Variants in POC1A observed in about 807,000 individuals in gnomAD.
The protein encoded by POC1A is POC1 centriolar protein homolog A.
A neutral mutation model predicts 47.8 loss-of-function variants in POC1A; 34 were observed. The observed-to-expected ratio is 0.71, with a 90% CI of 0.54 to 0.95. The LOEUF is 0.95. POC1A is among the 40% of genes least tolerant of loss of function. POC1A has a pLI of 0.00. For missense variants in POC1A, 466 were observed against 528.3 expected (o/e 0.88, Z 1.16); for synonymous variants, 177 against 207.6 (o/e 0.85, Z 1.27).
At chr3:52,126,009 A>G (rs1404948733) in intron 7 of POC1A, among the ~76,000 whole-genome samples, 3 of 152,216 alleles carry the variant, frequency 2.0e-5, no homozygotes, top group Admixed American at 6.5e-5. Flanking sequence ...TTTAGCTACG[A>G]CACCATGACC....
At chr3:52,100,344 C>T (rs184726054) in intron 9 of POC1A, among the ~76,000 whole-genome samples, 2 of 152,346 alleles carry the variant, frequency 1.3e-5, no homozygotes, top group African/African-American at 4.8e-5. Flanking sequence ...TGATCTCCCT[C>T]TTCCATCAAG....
At chr3:52,104,552 G>T (rs1423121477) in intron 9 of POC1A, among the ~76,000 whole-genome samples, 1 of 152,180 alleles carries the variant, frequency 6.6e-6, no homozygotes, top group Non-Finnish European at 1.5e-5. Flanking sequence ...ACCCATCACA[G>T]GACACAGTTG....
At chr3:52,082,319 C>G (rs1702324663) in intron 10 of POC1A, among the ~76,000 whole-genome samples, 1 of 152,116 alleles carries the variant, frequency 6.6e-6, no homozygotes. Flanking sequence ...TGGAAAGCTC[C>G]TTGGTGGGGA....
chr3:52,089,266 A>G (rs1385326477), intron 10 of POC1A, among the ~76,000 whole-genome samples: 1 of 152,012 alleles, frequency 6.6e-6, no homozygotes, highest in Non-Finnish European at 1.5e-5. Context: ...TTTGGGAAAA[A>G]TGCCAAAAAT....
At position 52,079,116 on chromosome 3, in the gene POC1A, G is replaced by A. The variant is rs1702206314; in HGVS notation, c.1126-3131C>T. On this transcript the variant is annotated intron_variant, in intron 10 of 10. Transcript: ENST00000296484. This position sits in a 1 kb window ranked among gnomAD's most constrained non-coding sequence, Gnocchi z 4.6. ...TGGGGAGTACCCCTGGCACAGACTGGTTTGGAGCCATATCACGTGGCCTTG... is the reference window on the plus strand; with the variant it reads ...TGGGGAGTACCCCTGGCACAGACTGATTTGGAGCCATATCACGTGGCCTTG... Among the ~76,000 whole-genome samples the A allele has an allele frequency of 6.6e-6, 1 of 152,240 alleles. No homozygotes were observed. The highest frequency in any genetic ancestry group is 1.5e-5 in the Non-Finnish European group (1 of 68,038).
At chr3:52,129,954 G>C (rs1300123344) in intron 7 of POC1A, among the ~76,000 whole-genome samples, 1 of 152,162 alleles carries the variant, frequency 6.6e-6, no homozygotes, top group Non-Finnish European at 1.5e-5. Context: ...AAACAAGGGA[G>C]CCCATGGTGA....
intron 4 of POC1A, among the ~76,000 whole-genome samples, chr3:52,148,736 T>C (rs1268696153): frequency 6.6e-6 from 1 of 152,018 alleles, no homozygotes; most frequent in Non-Finnish European, 1.5e-5. Context: ...TCAGAGAGAG[T>C]TGGGTTCAAA....
intron 9 of POC1A, among the ~76,000 whole-genome samples, chr3:52,113,026 T>C (rs926399976): frequency 4.6e-5 from 7 of 152,162 alleles, no homozygotes; most frequent in Admixed American, 3.9e-4. Flanking sequence ...CTCAGAGTGA[T>C]TCTGAGGCAC....
rs1179928678 is a variant in POC1A at position 52,079,964 on chromosome 3, G to A, written c.1126-3979C>T. ...ATTGGGGTGTGGAGCTTAAACATGAGGGGGACCAGCAGGAGGTCCTGGGAC... is the reference window on the plus strand; with the variant it reads ...ATTGGGGTGTGGAGCTTAAACATGAAGGGGACCAGCAGGAGGTCCTGGGAC... On this transcript the variant is annotated intron_variant, in intron 10 of 10. Coordinates refer to ENST00000296484, the MANE Select transcript of POC1A (RefSeq NM_015426.5). This position sits in a 1 kb window ranked among gnomAD's most constrained non-coding sequence, Gnocchi z 4.6. Among the ~76,000 whole-genome samples the A allele has an allele frequency of 6.6e-6, 1 of 152,152 alleles. No homozygotes were observed. Among genetic ancestry groups the A allele is most frequent in the African/African-American group, 2.4e-5 (1 of 41,424 alleles).
In POC1A at chr3:52,150,221, G is replaced by A. The variant is rs568390611; in HGVS notation, c.104-234C>T. Reference sequence around the variant, plus strand: ...ACACCCACATGGGAATAAGACCGAGGCCCTTCCCATGCTAGCCTTGGACTG... The same window carrying A: ...ACACCCACATGGGAATAAGACCGAGACCCTTCCCATGCTAGCCTTGGACTG... On this transcript the variant is annotated intron_variant, in intron 2 of 10. Transcript: ENST00000296484. Among the ~76,000 whole-genome samples the A allele has an allele frequency of 7.9e-5, 12 of 152,296 alleles. 1 individual carries two copies. In the South Asian group the frequency reaches 2.5e-3, roughly 32 times the overall value.
chr3:52,104,006 T>C (rs1422661168), intron 9 of POC1A, among the ~76,000 whole-genome samples: 1 of 152,138 alleles, frequency 6.6e-6, no homozygotes, highest in East Asian at 1.9e-4. Flanking sequence ...CCCAAGAAAA[T>C]GGAAGCATAT....
intron 10 of POC1A, among the ~76,000 whole-genome samples, chr3:52,082,013 G>A (rs534020801): frequency 9.2e-5 from 14 of 152,062 alleles, no homozygotes; most frequent in South Asian, 2.1e-4. Flanking sequence ...GGCAGAAGAC[G>A]GGCTCCAGAT....
intron 9 of POC1A, among the ~76,000 whole-genome samples, chr3:52,101,356 G>A (rs1186271171): frequency 1.4e-5 from 2 of 147,420 alleles, no homozygotes; most frequent in African/African-American, 5.1e-5. Flanking sequence ...ATGATGCCTG[G>A]CATTTAATAA....
intron 7 of POC1A, among the ~76,000 whole-genome samples, chr3:52,126,799 C>T (rs547596208): frequency 1.1e-4 from 16 of 152,312 alleles, no homozygotes; most frequent in African/African-American, 3.1e-4. Flanking sequence ...AAGAAACCCA[C>T]CCCATGGTAA....
intron 8 of POC1A, 73 bp from the exon 9 acceptor site, chr3:52,122,550 C>T: frequency 1.1e-6 from 1 of 948,710 alleles, no homozygotes; most frequent in Non-Finnish European, 1.7e-6. Flanking sequence ...AGGAAATGGG[C>T]TCAGAGGCCA....
chr3:52,121,219 G>T (rs961088780), intron 9 of POC1A, among the ~76,000 whole-genome samples: 1 of 152,212 alleles, frequency 6.6e-6, no homozygotes, highest in East Asian at 1.9e-4. Context: ...GGGATTCACA[G>T]GAAAGAGGGC....
At chr3:52,101,468 A>G (rs1703004462) in intron 9 of POC1A, among the ~76,000 whole-genome samples, 1 of 152,232 alleles carries the variant, frequency 6.6e-6, no homozygotes, top group South Asian at 2.1e-4. Context: ...TGTTGAAACT[A>G]TGAGATACAA....
rs181504497 is a variant in POC1A at position 52,145,349 on chromosome 3, T to C, written c.679+497A>G. On this transcript the variant is annotated intron_variant, in intron 6 of 10. Transcript: ENST00000296484. ...CCCCTAGCTAAGTCAACCCTCCCTA[T>C]GACTCTACATCTGCGGAGGACACTG... is the stretch of plus-strand genomic sequence containing the variant. Among the ~76,000 whole-genome samples, 659 of 152,308 alleles carry C rather than the reference T, an allele frequency of 4.3e-3. 5 individuals are homozygous for C. Among genetic ancestry groups the C allele is most frequent in the Non-Finnish European group, 4.8e-3 (327 of 68,012 alleles).
At chr3:52,129,311 C>T (rs1704125488) in intron 7 of POC1A, among the ~76,000 whole-genome samples, 1 of 152,144 alleles carries the variant, frequency 6.6e-6, no homozygotes, top group Non-Finnish European at 1.5e-5. Flanking sequence ...AGTTTCCAAA[C>T]CATAGGTGCT....
Sources: gnomAD v4.1 joint callset for allele counts (sites outside exome capture counted in the v4.1 genomes callset) on GRCh38, gnomAD v4.1.1 for gene constraint, Gnocchi (gnomAD v3.1) non-coding constraint, MANE v1.5 for transcripts, NCBI Gene and HGNC (gene_info 2026-07-23, HGNC 2026-07-21) for gene names.